Variants in VTI1A observed in about 807,000 individuals in gnomAD.
The protein encoded by VTI1A is vesicle transport through interaction with t-SNAREs homolog 1A.
VTI1A carries 22 observed loss-of-function variants against 34.9 expected under a neutral mutation model. The ratio of observed to expected loss-of-function variants is 0.63; its 90% CI spans 0.45 to 0.90. VTI1A has a LOEUF of 0.90. Ranked by LOEUF, VTI1A falls within the 40% of genes least tolerant of loss-of-function variation. The probability of loss-of-function intolerance (pLI) is 0.00; values close to 1 mark genes in which losing one functional copy is unlikely to be tolerated. For missense variants in VTI1A, 268 were observed against 275.6 expected (o/e 0.97, Z 0.20); for synonymous variants, 87 against 97.3 (o/e 0.89, Z 0.62).
chr10:112,480,583 A>C (rs1848429240), intron 3 of VTI1A, among the ~76,000 whole-genome samples: 1 of 152,086 alleles, frequency 6.6e-6, no homozygotes, highest in Non-Finnish European at 1.5e-5. Context: ...GAGGGTTTTG[A>C]GGAAGGCACC....
intron 7 of VTI1A, among the ~76,000 whole-genome samples, chr10:112,795,394 C>T (rs1350923715): frequency 6.6e-6 from 1 of 151,168 alleles, no homozygotes; most frequent in African/African-American, 2.4e-5. Context: ...ATAATTTTTA[C>T]CCTTGTTCTT....
intron 5 of VTI1A, among the ~76,000 whole-genome samples, chr10:112,655,281 T>C (rs1010348982): frequency 6.6e-6 from 1 of 152,188 alleles, no homozygotes; most frequent in African/African-American, 2.4e-5. Context: ...TTACTATAGA[T>C]GATCAAGTAG....
At chr10:112,452,870 A>G (rs559131746) in intron 1 of VTI1A, among the ~76,000 whole-genome samples, 1 of 152,306 alleles carries the variant, frequency 6.6e-6, no homozygotes, top group South Asian at 2.1e-4. Context: ...TTAATATGGT[A>G]CATTTGTTAC....
intron 5 of VTI1A, among the ~76,000 whole-genome samples, chr10:112,667,775 T>C (rs1266313308): frequency 6.6e-6 from 1 of 152,132 alleles, no homozygotes; most frequent in African/African-American, 2.4e-5. Context: ...GCAGGGTGAA[T>C]ACACTAAAAT....
the VTI1A span, among the ~76,000 whole-genome samples, chr10:112,845,181 C>T: frequency 6.6e-6 from 1 of 152,022 alleles, no homozygotes; most frequent in Non-Finnish European, 1.5e-5. Context: ...CCATTCCACG[C>T]CTGCTCTGCG....
At chr10:112,473,258 G>A (rs190849299) in intron 3 of VTI1A, among the ~76,000 whole-genome samples, 193 of 151,956 alleles carry the variant, frequency 1.3e-3, no homozygotes, top group Non-Finnish European at 2.0e-3. Flanking sequence ...ACCGGAGCGC[G>A]CCACCATGTC....
rs118008948 is a variant in VTI1A at position 112,568,696 on chromosome 10, G to A, written c.427+30366G>A. ...CACCCAGCCAGCTAAGCATGATCAG[G>A]TTTGATTTTATGTTCTCGCCTTAAC... is the stretch of plus-strand genomic sequence containing the variant. On this transcript the variant is annotated intron_variant, in intron 5 of 7. Transcript: ENST00000393077. Among the ~76,000 whole-genome samples the A allele has an allele frequency of 5.2e-3, 788 of 152,228 alleles. 9 individuals are homozygous for A. The highest frequency in any genetic ancestry group is 9.4e-3 in the Non-Finnish European group (639 of 68,010).
the VTI1A span, among the ~76,000 whole-genome samples, chr10:112,853,400 C>T: frequency 2.6e-5 from 4 of 152,154 alleles, no homozygotes; most frequent in East Asian, 7.7e-4. Flanking sequence ...GGTGTGTAGC[C>T]TCTTTGAGCC....
intron 5 of VTI1A, among the ~76,000 whole-genome samples, chr10:112,550,955 C>T (rs1430895614): frequency 6.6e-6 from 1 of 152,068 alleles, no homozygotes; most frequent in African/African-American, 2.4e-5. Flanking sequence ...ATATAAAGTA[C>T]CTTCACGGCC....
At chr10:112,645,822 T>G (rs1474735609) in intron 5 of VTI1A, among the ~76,000 whole-genome samples, 1 of 152,206 alleles carries the variant, frequency 6.6e-6, no homozygotes, top group East Asian at 1.9e-4. Flanking sequence ...TTACTTTTTT[T>G]GGTGCATTTC....
chr10:112,690,565 A>G (rs1234085175), intron 7 of VTI1A, among the ~76,000 whole-genome samples: 6 of 152,180 alleles, frequency 3.9e-5, no homozygotes, highest in African/African-American at 1.4e-4. Context: ...TATGCTCCAT[A>G]GCATATAGCA....
intron 7 of VTI1A, among the ~76,000 whole-genome samples, chr10:112,754,985 G>A (rs556092203): frequency 6.6e-5 from 10 of 152,278 alleles, no homozygotes; most frequent in Admixed American, 1.3e-4. Context: ...AGCTGGGCGC[G>A]GTGGCTCATG....
At chr10:112,648,144 G>A (rs1033246631) in intron 5 of VTI1A, among the ~76,000 whole-genome samples, 4 of 152,158 alleles carry the variant, frequency 2.6e-5, no homozygotes, top group Non-Finnish European at 2.9e-5. Flanking sequence ...GGATTGATTT[G>A]GTAGCTTTTT....
intron 5 of VTI1A, among the ~76,000 whole-genome samples, chr10:112,561,585 A>G (rs1589906277): frequency 1.3e-5 from 2 of 152,222 alleles, no homozygotes; most frequent in East Asian, 3.8e-4. Flanking sequence ...AAGCATCATC[A>G]GTTCATAACA....
downstream of VTI1A, among the ~76,000 whole-genome samples, chr10:112,819,115 C>T (rs1353922985): frequency 6.6e-6 from 1 of 152,164 alleles, no homozygotes; most frequent in Non-Finnish European, 1.5e-5. Context: ...TAATTTGCAA[C>T]CTGTTCAGCA....
intron 3 of VTI1A, among the ~76,000 whole-genome samples, chr10:112,473,103 CT>C (rs201001465): frequency 0.082 from 11,004 of 133,764 alleles, 214 homozygotes; most frequent in East Asian, 0.11. Context: ...ATTTGATCCA[CT>C]TTTTTTTTTT....
At chr10:112,785,501 C>A (rs1023686110) in intron 7 of VTI1A, among the ~76,000 whole-genome samples, 2 of 152,182 alleles carry the variant, frequency 1.3e-5, no homozygotes, top group Admixed American at 6.5e-5. Flanking sequence ...AAAGCAAAAG[C>A]TGTTAATTTT....
At chr10:112,530,847 C>T (rs1022639609) in intron 4 of VTI1A, among the ~76,000 whole-genome samples, 14 of 152,034 alleles carry the variant, frequency 9.2e-5, no homozygotes, top group African/African-American at 3.4e-4. Flanking sequence ...CAGATCATTA[C>T]CAGGCACAAA....
chr10:112,725,987 A>C (rs1264921422), intron 7 of VTI1A, among the ~76,000 whole-genome samples: 1 of 152,224 alleles, frequency 6.6e-6, no homozygotes, highest in Non-Finnish European at 1.5e-5. Flanking sequence ...TATTTTTACA[A>C]GGAATCCTGA....
Sources: allele counts gnomAD v4.1 joint callset (sites outside exome capture counted in the v4.1 genomes callset), GRCh38; gene constraint gnomAD v4.1.1; transcripts MANE v1.5; gene names NCBI Gene and HGNC (gene_info 2026-07-23, HGNC 2026-07-21).